AHCY: variants seen among roughly 807,000 people sequenced by gnomAD.
The protein encoded by AHCY is S-adenosyl-L-homocysteine hydrolase.
In AHCY, 24 loss-of-function variants were observed where a neutral mutation model predicts 45.4. The observed-to-expected ratio is 0.53, with a 90% CI of 0.38 to 0.74. The LOEUF is 0.74. AHCY is among the 30% of genes least tolerant of loss of function. The pLI is 0.00. For missense variants in AHCY, 449 were observed against 594.1 expected, an observed-to-expected ratio of 0.76 and a Z score of 2.54; for synonymous variants, 245 against 235.1, an observed-to-expected ratio of 1.04 and a Z score of -0.39.
At chr20:34,303,635 C>T (rs2036856382), upstream of AHCY, among the ~76,000 whole-genome samples, 1 of 152,218 alleles carries the variant, frequency 6.6e-6, no homozygotes, top group South Asian at 2.1e-4. Flanking sequence ...CAGTTCACTT[C>T]CCTGTGCCTC....
At chr20:34,263,836 T>C in the AHCY span, among the ~76,000 whole-genome samples, 9 of 151,684 alleles carry the variant, frequency 5.9e-5, no homozygotes, top group African/African-American at 2.2e-4. Context: ...GCCCAGCTAA[T>C]GTTTTTGTAT....
At chr20:34,233,843 G>A in the AHCY span, among the ~76,000 whole-genome samples, 14 of 152,124 alleles carry the variant, frequency 9.2e-5, no homozygotes, top group African/African-American at 2.9e-4. Flanking sequence ...AAAGTCAACA[G>A]GAATGAGATA....
In AHCY at chr20:34,294,082, C is replaced by T. The variant is rs570467069; in HGVS notation, c.294G>A (p.Pro98=). ...AAAAIAKAGI[P]VYAWKGETDE... ...GTCTCAGAAGCAAGCAGGACTTACC[C>T]GGAATGCCAGCCTTGGCAATGGCAG... Residue 98 remains proline, a splice_region_variant and synonymous_variant, in exon 3 of 10, where the codon CCG becomes CCA. Transcript: ENST00000217426. 8 of 1,614,146 alleles carry T rather than the reference C, an allele frequency of 5.0e-6. No homozygotes were observed. The highest frequency in any genetic ancestry group is 4.5e-5 in the East Asian group (2 of 44,890).
At chr20:34,258,477 T>C in the AHCY span, among the ~76,000 whole-genome samples, 1 of 150,296 alleles carries the variant, frequency 6.7e-6, no homozygotes, top group Non-Finnish European at 1.5e-5. Flanking sequence ...TGATGACCAT[T>C]AACAAATGAT....
At chr20:34,235,069 T>C in the AHCY span, 2 of 152,384 alleles carry the variant, frequency 1.3e-5, no homozygotes, top group South Asian at 4.1e-4. Context: ...GTGATGATTA[T>C]TGCTCACCAG....
downstream of AHCY, among the ~76,000 whole-genome samples, chr20:34,278,260 G>A (rs113341991): frequency 5.6e-3 from 859 of 152,270 alleles, 6 homozygotes; most frequent in Non-Finnish European, 9.8e-3. Context: ...GGACACCTCC[G>A]AACAGGAAAG....
chr20:34,263,004 T>C, the AHCY span: 1 of 1,268,998 alleles, frequency 7.9e-7, no homozygotes, highest in South Asian at 1.4e-5. Context: ...TTCAGGCCTA[T>C]ATTAACAAAA....
chr20:34,239,613 T>G, the AHCY span, among the ~76,000 whole-genome samples: 1 of 152,224 alleles, frequency 6.6e-6, no homozygotes, highest in Non-Finnish European at 1.5e-5. Context: ...TTCAGCCCAG[T>G]GTGGTTGGTA....
intron 9 of AHCY, among the ~76,000 whole-genome samples, chr20:34,284,775 A>T (rs1568787443): frequency 6.6e-6 from 1 of 152,212 alleles, no homozygotes; most frequent in Non-Finnish European, 1.5e-5. Flanking sequence ...GTAAGCCGAG[A>T]TCACGTCACT....
intron 1 of AHCY, among the ~76,000 whole-genome samples, chr20:34,298,458 C>T (rs1039673693): frequency 6.6e-6 from 1 of 152,102 alleles, no homozygotes; most frequent in Admixed American, 6.6e-5. Flanking sequence ...CTGTTATGCC[C>T]GGACAGGGCC....
intron 8 of AHCY, among the ~76,000 whole-genome samples, chr20:34,287,386 ATT>A (rs11479058): frequency 1.6e-3 from 187 of 115,702 alleles, no homozygotes; most frequent in Middle Eastern, 4.6e-3. Context: ...TATTTTATTA[ATT>A]TTTTTTTTTT....
the AHCY span, among the ~76,000 whole-genome samples, chr20:34,253,447 TTTTATTTATTTATTTA>T: frequency 2.2e-4 from 23 of 103,810 alleles, no homozygotes; most frequent in Admixed American, 2.6e-4. Flanking sequence ...TTTTATTTTA[TTTTATTTATTTATTTA>T]TTTATTTATT....
the AHCY span, among the ~76,000 whole-genome samples, chr20:34,269,946 T>TAAAAAAAAAAAAAAAAA: frequency 4.6e-4 from 27 of 59,232 alleles, no homozygotes; most frequent in African/African-American, 9.9e-4. Context: ...AACTCTGTCT[T>TAAAAAAAAAAAAAAAAA]AAAAAAAAAA....
the AHCY span, among the ~76,000 whole-genome samples, chr20:34,235,869 GGAA>G: frequency 1.2e-4 from 4 of 32,328 alleles, no homozygotes; most frequent in South Asian, 1.8e-3. Context: ...AGGAAGGAAA[GGAA>G]GGAAGGAAGG....
Position 34,295,535 on chromosome 20 carries a change from T to C in AHCY, c.79A>G (p.Asn27Asp). 1 of 1,614,140 alleles carries C rather than the reference T, an allele frequency of 6.2e-7. No homozygotes were observed. Among genetic ancestry groups the C allele is most frequent in the Non-Finnish European group, 8.5e-7 (1 of 1,180,030 alleles). Residue 27 changes from asparagine to aspartate, a missense_variant, in exon 2 of 10, where the codon AAC (asparagine) becomes GAC (aspartate). By Grantham distance (23) the Asn-to-Asp change is conservative. Transcript: ENST00000217426. ...WGRKALDIAE[N>D]EMPGLMRMRE... Reference sequence around the variant, plus strand: ...ATACGCATCAGGCCCGGCATCTCGTTCTCAGCAATGTCCAGGGCCTTGCGT... The same window carrying C: ...ATACGCATCAGGCCCGGCATCTCGTCCTCAGCAATGTCCAGGGCCTTGCGT...
intron 2 of AHCY, chr20:34,295,186 C>T (rs1344780524): frequency 8.6e-6 from 6 of 697,078 alleles, no homozygotes; most frequent in Middle Eastern, 3.1e-4. Flanking sequence ...CAACAGTGAC[C>T]TTCCCAGCCA....
the AHCY span, among the ~76,000 whole-genome samples, chr20:34,265,814 G>C: frequency 6.6e-6 from 1 of 152,060 alleles, no homozygotes; most frequent in Non-Finnish European, 1.5e-5. Flanking sequence ...GCTGGGTATG[G>C]TGCTGCACGC....
chr20:34,297,139 C>T (rs929727363), intron 1 of AHCY, among the ~76,000 whole-genome samples: 1 of 151,982 alleles, frequency 6.6e-6, no homozygotes, highest in Non-Finnish European at 1.5e-5. Context: ...TTCATCCTAC[C>T]AATTTCTAGT....
intron 8 of AHCY, 72 bp from the exon 9 acceptor site, chr20:34,285,706 G>T: frequency 6.5e-7 from 1 of 1,538,854 alleles, no homozygotes; most frequent in Non-Finnish European, 8.9e-7. Context: ...GATCTGGCAG[G>T]CCTCTCTGCC....
Sources: gnomAD v4.1 joint callset for allele counts (sites outside exome capture counted in the v4.1 genomes callset) on GRCh38, gnomAD v4.1.1 for gene constraint, MANE v1.5 for transcripts, NCBI Gene and HGNC (gene_info 2026-07-23, HGNC 2026-07-21) for gene names.